DOCK2: variants seen among roughly 807,000 people sequenced by gnomAD.
DOCK2 encodes dedicator of cytokinesis protein 2.
DOCK2 carries 87 observed loss-of-function variants against 248.9 expected under a neutral mutation model. That is an observed-to-expected ratio of 0.35 (90% confidence interval 0.29 to 0.42). DOCK2 has a LOEUF of 0.42. Among genes scored for constraint, DOCK2 ranks in the 10% least tolerant of loss-of-function variants. The pLI, the probability that DOCK2 is intolerant of heterozygous loss-of-function variation, is 1.00. For missense variants in DOCK2, 1,747 were observed against 2,300.2 expected (o/e 0.76, Z 4.92); for synonymous variants, 805 against 821.6 (o/e 0.98, Z 0.35).
chr5:169,990,402 C>T (rs1482081932), intron 29 of DOCK2, among the ~76,000 whole-genome samples: 1 of 152,122 alleles, frequency 6.6e-6, no homozygotes, highest in Non-Finnish European at 1.5e-5. Flanking sequence ...CCCAGCTTAC[C>T]TCTTCATGGT....
At position 169,890,809 on chromosome 5, in the gene DOCK2, T is replaced by C. The variant is rs190843653; in HGVS notation, c.2799+49957T>C. 2.6e-5 allele frequency among the ~76,000 whole-genome samples: 4 copies of C among 152,308 alleles called. No individual in the cohort carries two copies. The East Asian group carries it at 7.7e-4, about 29-fold the overall frequency. ...ATGTTTGACTTTTTTGCACAAATTCTGGTATTCACACCCAGGTCTCCATCA... is the reference window on the plus strand; with the variant it reads ...ATGTTTGACTTTTTTGCACAAATTCCGGTATTCACACCCAGGTCTCCATCA... On this transcript the variant is annotated intron_variant, in intron 27 of 51. Transcript: ENST00000520908.
At chr5:170,078,721 C>A (rs1183257459) in intron 48 of DOCK2, among the ~76,000 whole-genome samples, 4 of 152,238 alleles carry the variant, frequency 2.6e-5, no homozygotes, top group Non-Finnish European at 5.9e-5. Context: ...CCACCAGTTT[C>A]TTTTCTATGG....
At chr5:169,805,107 G>T (rs1767274462) in intron 26 of DOCK2, among the ~76,000 whole-genome samples, 1 of 151,886 alleles carries the variant, frequency 6.6e-6, no homozygotes, top group South Asian at 2.1e-4. Context: ...CAGCCAGGGA[G>T]GTTGATCATG....
In DOCK2 at chr5:170,040,975, C is replaced by T. The variant is rs575008910; in HGVS notation, c.3666-80C>T. On this transcript the variant is annotated intron_variant, in intron 36 of 51. Coordinates refer to ENST00000520908, the MANE Select transcript of DOCK2 (RefSeq NM_004946.3). ...CGACCCAGAGAGGTGCCCAGTTGTTCTCTGGGCTCCTGCTTGTCCCTGCCA... is the reference window on the plus strand; with the variant it reads ...CGACCCAGAGAGGTGCCCAGTTGTTTTCTGGGCTCCTGCTTGTCCCTGCCA... The T allele has an allele frequency of 2.9e-4, 372 of 1,294,364 alleles. 1 individual carries two copies. Among genetic ancestry groups the T allele is most frequent in the Non-Finnish European group, 4.0e-4 (355 of 892,272 alleles). The allele number at this position is 1,294,364 out of a possible 1,614,324, so 80.2% of individuals were successfully genotyped here. A position where few individuals can be genotyped will look rare whatever the true frequency, so the allele number is the denominator to read the frequency against.
intron 10 of DOCK2, 47 bp from the exon 11 acceptor site, chr5:169,698,325 TGG>T (rs1251830252): frequency 6.3e-7 from 1 of 1,591,190 alleles, no homozygotes; most frequent in Non-Finnish European, 8.6e-7. Flanking sequence ...TCATCCCTTA[TGG>T]GAACAGGAAG....
intron 44 of DOCK2, among the ~76,000 whole-genome samples, chr5:170,064,670 G>A (rs1757433909): frequency 6.9e-6 from 1 of 145,856 alleles, no homozygotes; most frequent in Admixed American, 6.7e-5. Context: ...TAAGAAGAGA[G>A]AGGGAGAAAG....
chr5:169,667,160 G>A (rs149641680), intron 2 of DOCK2, among the ~76,000 whole-genome samples: 15 of 152,114 alleles, frequency 9.9e-5, no homozygotes, highest in Non-Finnish European at 1.3e-4. Context: ...TTGGTCCCTC[G>A]ATTGTTTTTC....
rs377296211 is a variant in DOCK2 at position 169,827,771 on chromosome 5, C to A, written c.2704-12986C>A. Among the ~76,000 whole-genome samples, 14 of 152,132 alleles carry A rather than the reference C, an allele frequency of 9.2e-5. 1 individual carries two copies. Among genetic ancestry groups the A allele is most frequent in the Admixed American group, 7.2e-4 (11 of 15,280 alleles). ...AGTGGAGGAAAAGGGAGCACACAGC[C>A]TAAGCTTTCCAGAAAGAGCTGGGGA... is the stretch of plus-strand genomic sequence containing the variant. On this transcript the variant is annotated intron_variant, in intron 26 of 51. Transcript: ENST00000520908.
At chr5:169,898,430 G>C (rs1773733591) in intron 27 of DOCK2, among the ~76,000 whole-genome samples, 1 of 152,140 alleles carries the variant, frequency 6.6e-6, no homozygotes, top group African/African-American at 2.4e-5. Flanking sequence ...TACTAGCTCT[G>C]TGACCTTGGT....
At position 169,826,959 on chromosome 5, in the gene DOCK2, G is replaced by A. The variant is rs374690161; in HGVS notation, c.2704-13798G>A. 2.3e-4 allele frequency among the ~76,000 whole-genome samples: 35 copies of A among 151,938 alleles called. 2 individuals carry two copies. The South Asian group carries it at 7.3e-3, about 32-fold the overall frequency. On this transcript the variant is annotated intron_variant, in intron 26 of 51. Coordinates refer to ENST00000520908, the MANE Select transcript of DOCK2 (RefSeq NM_004946.3). ...GCTAATACACTGTGGTCTCTTAAAA[G>A]CAGGGGCTAGATTTTCTGTCTCTGA...
At chr5:169,856,175 G>A (rs188112628) in intron 27 of DOCK2, among the ~76,000 whole-genome samples, 250 of 152,212 alleles carry the variant, frequency 1.6e-3, no homozygotes, top group Non-Finnish European at 2.6e-3. Context: ...ATTTGGGTGG[G>A]GACACAAAAC....
chr5:169,687,872 T>G (rs1760077183), intron 8 of DOCK2, among the ~76,000 whole-genome samples: 1 of 152,190 alleles, frequency 6.6e-6, no homozygotes, highest in Admixed American at 6.5e-5. Flanking sequence ...GCCTATGTGG[T>G]CTGGCCTCTC....
At chr5:169,998,031 T>C (rs1350161506) in intron 30 of DOCK2, 1 of 456,150 alleles carries the variant, frequency 2.2e-6, no homozygotes, top group African/African-American at 2.0e-5. Flanking sequence ...ACTTGTAAGG[T>C]CCCATAAGTT....
At chr5:170,019,132 A>G (rs1272400301) in intron 33 of DOCK2, 24 bp downstream of exon 33, 6 of 1,612,858 alleles carry the variant, frequency 3.7e-6, no homozygotes, top group Non-Finnish European at 5.1e-6. Context: ...CCGGAAACTC[A>G]TGCCAGCATG....
At chr5:169,668,638 G>A (rs1306706593) in intron 2 of DOCK2, among the ~76,000 whole-genome samples, 1 of 152,144 alleles carries the variant, frequency 6.6e-6, no homozygotes, top group Non-Finnish European at 1.5e-5. Context: ...GCACTCAGGC[G>A]TATTTTGTCT....
chr5:170,079,409 C>T, intron 49 of DOCK2: 2 of 399,666 alleles, frequency 5.0e-6, no homozygotes, highest in Non-Finnish European at 9.4e-6. Context: ...TTTCCACCAT[C>T]ACACAGGGCT....
chr5:169,674,016 G>A (rs987522244), intron 5 of DOCK2, among the ~76,000 whole-genome samples: 2 of 152,184 alleles, frequency 1.3e-5, no homozygotes, highest in African/African-American at 4.8e-5. Flanking sequence ...TAGCATTCCT[G>A]TTCAATAAAT....
intron 18 of DOCK2, 56 bp from the exon 19 acceptor site, chr5:169,714,304 T>A: frequency 6.2e-7 from 1 of 1,612,454 alleles, no homozygotes; most frequent in Non-Finnish European, 8.5e-7. Context: ...AAGGAGGTCC[T>A]GATATGGACA....
chr5:169,847,134 C>T (rs369486190), intron 27 of DOCK2, among the ~76,000 whole-genome samples: 3 of 152,090 alleles, frequency 2.0e-5, no homozygotes, highest in South Asian at 2.1e-4. Flanking sequence ...TTGGCAATTG[C>T]GATTTGTGCT....
Sources: gnomAD v4.1 joint callset for allele counts (sites outside exome capture counted in the v4.1 genomes callset) on GRCh38, gnomAD v4.1.1 for gene constraint, MANE v1.5 for transcripts, NCBI Gene and HGNC (gene_info 2026-07-23, HGNC 2026-07-21) for gene names.